Variants in PLA2R1 observed in about 807,000 individuals in gnomAD.
PLA2R1 encodes the protein secretory phospholipase A2 receptor.
PLA2R1 carries 158 observed loss-of-function variants against 195.9 expected under a neutral mutation model. The ratio of observed to expected loss-of-function variants is 0.81; its 90% CI spans 0.71 to 0.92. The LOEUF (loss-of-function observed/expected upper bound fraction) is 0.92, where lower values mean the gene tolerates loss of function less well. Among genes scored for constraint, PLA2R1 ranks in the 40% least tolerant of loss-of-function variants. The pLI is 0.00. For missense variants in PLA2R1, 1,626 were observed against 1,764.6 expected (o/e 0.92, Z 1.41); for synonymous variants, 586 against 598.2 (o/e 0.98, Z 0.30).
At chr2:160,051,675 C>G (rs542514194) in intron 1 of PLA2R1, among the ~76,000 whole-genome samples, 1 of 152,312 alleles carries the variant, frequency 6.6e-6, no homozygotes, top group East Asian at 1.9e-4. Context: ...GCTGCTGAAT[C>G]AAGTCCTATT....
chr2:159,929,707 T>C (rs1161241490), downstream of PLA2R1, among the ~76,000 whole-genome samples: 1 of 152,174 alleles, frequency 6.6e-6, no homozygotes, highest in African/African-American at 2.4e-5. Context: ...TACACGCATG[T>C]TCATAGCAGC....
intron 1 of PLA2R1, among the ~76,000 whole-genome samples, chr2:160,052,113 C>T (rs981088078): frequency 2.0e-5 from 3 of 152,200 alleles, no homozygotes; most frequent in Non-Finnish European, 4.4e-5. Flanking sequence ...ACCGCTCTTG[C>T]TAAATCTTTT....
chr2:160,029,055 A>G, intron 4 of PLA2R1, 92 bp from the exon 5 acceptor site: 1 of 719,704 alleles, frequency 1.4e-6, no homozygotes, highest in Admixed American at 2.2e-5. Flanking sequence ...TCAGAAACTA[A>G]TTCCAGTCAA....
chr2:159,941,894 C>T lies in PLA2R1; in HGVS notation c.4276G>A (p.Gly1426Ser). ...LSFCIYKHNG[G>S]FFRRLAGFRN... The stretch of plus-strand genomic sequence containing the variant: ...AACCCTGCAAGTCTCCTGAAGAAGC[C>T]ACCGTTATGCTTGTATATGCAGAAG... Residue 1426 changes from glycine (G) to serine (S), a missense_variant, in exon 30 of 30, where the codon GGC becomes AGC. Coordinates refer to ENST00000283243, the MANE Select transcript of PLA2R1 (RefSeq NM_007366.5). 6.2e-7 allele frequency: 1 copy of T among 1,613,642 alleles called. No individual in the cohort carries two copies. Among genetic ancestry groups the T allele is most frequent in the South Asian group, 1.1e-5 (1 of 91,060 alleles).
intron 4 of PLA2R1, among the ~76,000 whole-genome samples, chr2:160,030,908 T>A (rs969560870): frequency 6.6e-6 from 1 of 152,196 alleles, no homozygotes; most frequent in African/African-American, 2.4e-5. Context: ...TTTAAATGGT[T>A]ATTCAAATTT....
Position 159,995,069 on chromosome 2 carries a change from T to G in PLA2R1, c.1835-7711A>C, listed in dbSNP as rs532973069. On this transcript the variant is annotated intron_variant, in intron 11 of 29. Transcript: ENST00000283243. ...TAGTTAGTCTTTGCTGGATTAAGATTCTGATGTGGGGACCAAGCTAATGGA... is the reference window on the plus strand; with the variant it reads ...TAGTTAGTCTTTGCTGGATTAAGATGCTGATGTGGGGACCAAGCTAATGGA... 2.3e-3 allele frequency among the ~76,000 whole-genome samples: 345 copies of G among 152,172 alleles called. 4 individuals are homozygous for G. The highest frequency in any genetic ancestry group is 3.9e-4 in the East Asian group (2 of 5,182).
rs745417006 is a variant in PLA2R1 at position 159,951,427 on chromosome 2, G to A, written c.3453C>T (p.Ser1151=). ...TCLMHKAQLV[S]ITDQYHQSFL... ...AGGACTGGTGATACTGGTCTGTGAT[G>A]CTGACCAGTTGTGCTTTGTGCATCA... Residue 1151 remains serine, a synonymous_variant, in exon 24 of 30, where the codon AGC becomes AGT. Transcript: ENST00000283243. 2 of 1,612,960 alleles carry A rather than the reference G, an allele frequency of 1.2e-6. No homozygotes were observed. Among genetic ancestry groups the A allele is most frequent in the African/African-American group, 2.7e-5 (2 of 74,888 alleles).
Position 159,937,084 on chromosome 2 carries a change from C to T in PLA2R1, c.*4694G>A, listed in dbSNP as rs1686868416. 1 of 151,954 alleles carries T rather than the reference C, an allele frequency of 6.6e-6. No individual in the cohort carries two copies. The highest frequency in any genetic ancestry group is 6.6e-5 in the Admixed American group (1 of 15,246). 9.4% of individuals were successfully genotyped at this position (151,954 alleles called of 1,614,324 possible). ...CAACCAACTGCTTGATTATGTTCTCCTTCAGTTTTTTTTAAAGCATAGAAG... is the reference window on the plus strand; with the variant it reads ...CAACCAACTGCTTGATTATGTTCTCTTTCAGTTTTTTTTAAAGCATAGAAG... On this transcript the variant is annotated 3_prime_UTR_variant, in exon 30 of 30. Transcript: ENST00000283243.
intron 4 of PLA2R1, 128 bp from the exon 5 acceptor site, chr2:160,029,091 C>T (rs779525170): frequency 3.4e-5 from 22 of 639,088 alleles, no homozygotes; most frequent in Middle Eastern, 5.1e-4. Context: ...ACAGAATGCA[C>T]GTGGTGCTTC....
chr2:159,962,583 A>C (rs961937259), intron 20 of PLA2R1, among the ~76,000 whole-genome samples: 36 of 152,232 alleles, frequency 2.4e-4, no homozygotes, highest in Admixed American at 1.8e-3. Flanking sequence ...ACACATGCAC[A>C]TGTTTGTTTA....
chr2:159,980,024 C>T (rs1689840103), intron 13 of PLA2R1, 110 bp from the exon 14 acceptor site: 1 of 542,508 alleles, frequency 1.8e-6, no homozygotes, highest in Non-Finnish European at 3.3e-6. Flanking sequence ...AACTAACCTG[C>T]ATATTGTGCA....
Position 159,936,088 on chromosome 2 carries a change from A to T in PLA2R1, c.*5690T>A, listed in dbSNP as rs1686815949. ...TGCCTCAGCCTCCCGAGTAGCTGGGAATACAGGCACCCGCCGCAACACACA... is the reference window on the plus strand; with the variant it reads ...TGCCTCAGCCTCCCGAGTAGCTGGGTATACAGGCACCCGCCGCAACACACA... On this transcript the variant is annotated 3_prime_UTR_variant, in exon 30 of 30. Transcript: ENST00000283243. 6.6e-6 allele frequency: 1 copy of T among 150,934 alleles called. No homozygotes were observed. The highest frequency in any genetic ancestry group is 2.1e-4 in the South Asian group (1 of 4,724). 9.3% of individuals were successfully genotyped at this position (150,934 alleles called of 1,614,324 possible). A position where few individuals can be genotyped will look rare whatever the true frequency, so the allele number is the denominator to read the frequency against.
intron 20 of PLA2R1, 50 bp from the exon 21 acceptor site, chr2:159,956,677 G>T: frequency 8.9e-7 from 1 of 1,119,508 alleles, no homozygotes. Context: ...CTTTCTAAGT[G>T]AATTAAAAAT....
chr2:160,050,693 AG>A (rs1695163734), intron 1 of PLA2R1, among the ~76,000 whole-genome samples: 1 of 152,198 alleles, frequency 6.6e-6, no homozygotes, highest in Non-Finnish European at 1.5e-5. Flanking sequence ...TTTGCCTGCA[AG>A]GAAGTCACAT....
chr2:159,930,801 C>T (rs1399315650), downstream of PLA2R1, among the ~76,000 whole-genome samples: 1 of 152,162 alleles, frequency 6.6e-6, no homozygotes, highest in Non-Finnish European at 1.5e-5. Flanking sequence ...TCCCTTCTCC[C>T]AAAACTGCTG....
chr2:159,976,220 G>A lies in PLA2R1; in HGVS notation c.2443C>T (p.Pro815Ser). ...TCTGCATCCTGATAAAAGAGCCAGG[G>A]TACATCTGAAAAAGAAACAGTGAAA... ...KIPFWYQYDVPWLFYQDAEYL... is the reference protein window; with the variant it reads ...KIPFWYQYDVSWLFYQDAEYL... Residue 815 changes from proline to serine, a missense_variant, in exon 17 of 30, where the codon CCC becomes TCC. By Grantham distance (74) the Pro-to-Ser change is moderately conservative (BLOSUM62 -1). Transcript: ENST00000283243. The A allele has an allele frequency of 6.3e-7, 1 of 1,598,490 alleles. No homozygotes were observed. The highest frequency in any genetic ancestry group is 1.1e-5 in the South Asian group (1 of 88,916).
At chr2:160,017,694 T>G (rs1475533965) in intron 8 of PLA2R1, among the ~76,000 whole-genome samples, 1 of 152,196 alleles carries the variant, frequency 6.6e-6, no homozygotes, top group Non-Finnish European at 1.5e-5. Context: ...TGCTAACATA[T>G]TAAAATTTTA....
At chr2:159,991,347 GGCTCATTTCAGA>G (rs1690774955) in intron 11 of PLA2R1, among the ~76,000 whole-genome samples, 1 of 152,014 alleles carries the variant, frequency 6.6e-6, no homozygotes, top group South Asian at 2.1e-4. Context: ...TTTATATGGT[GGCTCATTTCAGA>G]GCTCTGATGA....
chr2:159,970,682 A>C (rs1689098497), intron 17 of PLA2R1, among the ~76,000 whole-genome samples: 1 of 152,210 alleles, frequency 6.6e-6, no homozygotes, highest in Non-Finnish European at 1.5e-5. Context: ...AGCTTTAAGC[A>C]GTATAAGCTT....
Sources: gnomAD v4.1 joint callset for allele counts (sites outside exome capture counted in the v4.1 genomes callset) on GRCh38, gnomAD v4.1.1 for gene constraint, MANE v1.5 for transcripts, NCBI Gene and HGNC (gene_info 2026-07-23, HGNC 2026-07-21) for gene names.